Variants in ARHGEF9 observed in about 807,000 individuals in gnomAD.
The protein encoded by ARHGEF9 is rho guanine nucleotide exchange factor 9.
In ARHGEF9, 2 loss-of-function variants were observed where a neutral mutation model predicts 41.3. That is an observed-to-expected ratio of 0.05 (90% CI 0.02 to 0.15). The LOEUF is 0.15. ARHGEF9 is among the 10% of genes least tolerant of loss of function. ARHGEF9 has a pLI of 1.00. For synonymous variants in ARHGEF9, 160 were observed against 154.4 expected (o/e 1.04, Z -0.27); for missense variants, 225 against 424.7 (o/e 0.53, Z 4.13).
chrX:63,701,075 C>A (rs1273305304), intron 3 of ARHGEF9, among the ~76,000 whole-genome samples: 9 of 111,688 alleles, frequency 8.1e-5, no homozygotes, highest in Admixed American at 1.9e-4. Context: ...GTTCTTAAAC[C>A]CACCAGGGCT....
At chrX:63,681,955 T>C (rs1224097795) in intron 4 of ARHGEF9, among the ~76,000 whole-genome samples, 1 of 109,801 alleles carries the variant, frequency 9.1e-6, no homozygotes, top group East Asian at 2.9e-4. Flanking sequence ...CCTAGAAATA[T>C]AAAACCTACC....
intron 3 of ARHGEF9, among the ~76,000 whole-genome samples, chrX:63,698,382 T>A (rs2051921841): frequency 9.1e-6 from 1 of 110,416 alleles, no homozygotes; most frequent in Non-Finnish European, 1.9e-5. Flanking sequence ...CCAATCTAAA[T>A]TGCATCTTCC....
chrX:63,635,284 G>C lies in ARHGEF9; in HGVS notation c.*2744C>G, dbSNP rs1436921191. ...TCCATTAGAAATATACACATAGAGA[G>C]GGGGGGAAAAAGAGAGAATAATTAG... On this transcript the variant is annotated 3_prime_UTR_variant, in exon 10 of 10. Coordinates refer to ENST00000671741, the MANE Select transcript of ARHGEF9 (RefSeq NM_001353921.2). 2.6e-5 allele frequency: 13 copies of C among 507,693 alleles called. No homozygotes were observed. Among genetic ancestry groups the C allele is most frequent in the Non-Finnish European group, 4.3e-5 (12 of 280,204 alleles). The allele number at this position is 507,693 out of a possible 1,213,427, so 41.8% of individuals were successfully genotyped here. A position where few individuals can be genotyped will look rare whatever the true frequency, so the allele number is the denominator to read the frequency against.
chrX:63,707,399 G>T (rs782256607), intron 2 of ARHGEF9: 1 of 103,752 alleles, frequency 9.6e-6, no homozygotes, highest in Non-Finnish European at 2.0e-5. Context: ...TGGGACGGCC[G>T]AGTGAGATGT....
chrX:63,715,421 A>G (rs1370444852), intron 2 of ARHGEF9, among the ~76,000 whole-genome samples: 1 of 110,616 alleles, frequency 9.0e-6, no homozygotes, highest in Admixed American at 9.6e-5. Context: ...AAAGCTTGCA[A>G]TTATTTGACA....
chrX:63,752,831 T>C (rs2055732714), intron 1 of ARHGEF9, among the ~76,000 whole-genome samples: 1 of 111,934 alleles, frequency 8.9e-6, no homozygotes, highest in Non-Finnish European at 1.9e-5. Context: ...CAACCGGACA[T>C]GGAACTTGAC....
intron 2 of ARHGEF9, among the ~76,000 whole-genome samples, chrX:63,717,485 C>A (rs1188677317): frequency 1.8e-5 from 2 of 111,792 alleles, no homozygotes; most frequent in African/African-American, 6.5e-5. Context: ...CACATAGCAG[C>A]AACAAGAAAC....
chrX:63,700,223 C>T lies in ARHGEF9; in HGVS notation c.403-2919G>A, dbSNP rs782171189. On this transcript the variant is annotated intron_variant, in intron 3 of 9. Coordinates refer to ENST00000671741, the MANE Select transcript of ARHGEF9 (RefSeq NM_001353921.2). ...AAACTGCCCTTATCAAAAAAATAAGCGATGAGACATAAGAATATGGGAGTA... is the reference window on the plus strand; with the variant it reads ...AAACTGCCCTTATCAAAAAAATAAGTGATGAGACATAAGAATATGGGAGTA... 6.3e-5 allele frequency among the ~76,000 whole-genome samples: 7 copies of T among 111,849 alleles called. No individual in the cohort carries two copies. The East Asian group carries it at 1.4e-3, about 23-fold the overall frequency.
chrX:63,713,538 A>C (rs1422638166), intron 2 of ARHGEF9, among the ~76,000 whole-genome samples: 1 of 110,654 alleles, frequency 9.0e-6, no homozygotes, highest in Non-Finnish European at 1.9e-5. Context: ...CAAAACACAG[A>C]TAAAGGAGAG....
chrX:63,757,948 C>T (rs2055964343), intron 1 of ARHGEF9, among the ~76,000 whole-genome samples: 1 of 112,221 alleles, frequency 8.9e-6, no homozygotes, highest in South Asian at 3.7e-4. Flanking sequence ...CATAGTGATG[C>T]CAATCATATG....
At chrX:63,682,333 T>C (rs782565617) in intron 4 of ARHGEF9, among the ~76,000 whole-genome samples, 1 of 109,121 alleles carries the variant, frequency 9.2e-6, no homozygotes, top group African/African-American at 3.3e-5. Context: ...GCTAACATGG[T>C]GAAACCCCGT....
chrX:63,649,980 A>C (rs1308018168), intron 8 of ARHGEF9, among the ~76,000 whole-genome samples: 1 of 111,898 alleles, frequency 8.9e-6, no homozygotes, highest in African/African-American at 3.2e-5. Context: ...TAAATCCTGA[A>C]AGTAGGAAAA....
chrX:63,773,861 C>A (rs1556456338), intron 1 of ARHGEF9, among the ~76,000 whole-genome samples: 5 of 110,125 alleles, frequency 4.5e-5, no homozygotes, highest in Non-Finnish European at 3.8e-5. Flanking sequence ...TGGACTGAAA[C>A]ATCAATTTTT....
chrX:63,653,567 T>G (rs2048687064), intron 8 of ARHGEF9, among the ~76,000 whole-genome samples: 1 of 111,286 alleles, frequency 9.0e-6, no homozygotes, highest in South Asian at 3.7e-4. Context: ...TAAATTAAGT[T>G]TAAAAAAGCA....
At chrX:63,647,839 T>C (rs192222488) in intron 8 of ARHGEF9, among the ~76,000 whole-genome samples, 39 of 111,343 alleles carry the variant, frequency 3.5e-4, no homozygotes, top group Admixed American at 3.4e-3. Context: ...TGGTAGAATT[T>C]GGCTGTGAAT....
At chrX:63,688,179 T>C (rs1365704782) in intron 4 of ARHGEF9, among the ~76,000 whole-genome samples, 3 of 110,607 alleles carry the variant, frequency 2.7e-5, no homozygotes, top group Non-Finnish European at 5.7e-5. Flanking sequence ...TCAGTGTAAG[T>C]CCTACAGGGC....
intron 7 of ARHGEF9, among the ~76,000 whole-genome samples, chrX:63,665,653 A>T (rs187175204): frequency 9.8e-5 from 11 of 112,631 alleles, no homozygotes; most frequent in African/African-American, 2.3e-4. Context: ...GGGTAAAAAA[A>T]ATACCAAGAC....
chrX:63,658,763 A>G (rs1238116774), intron 7 of ARHGEF9, among the ~76,000 whole-genome samples: 2 of 111,856 alleles, frequency 1.8e-5, no homozygotes, highest in Admixed American at 1.9e-4. Flanking sequence ...GTGAGTAAAA[A>G]TAAGTCAAAG....
Position 63,724,664 on chromosome X carries a change from G to A in ARHGEF9, c.78C>T (p.His26=), listed in dbSNP as rs782516602. The A allele has an allele frequency of 7.4e-6, 9 of 1,211,488 alleles. No homozygotes were observed. Among genetic ancestry groups the A allele is most frequent in the South Asian group, 3.5e-5 (2 of 56,957 alleles). Residue 26 remains histidine (H), a synonymous_variant, in exon 2 of 10, where the codon CAC becomes CAT. Transcript: ENST00000671741. ...CCAACTCCCGGTTGGCCATGGTGAC[G>A]TGATCCCATACTGCCTCAGCACTAA... ...SIVSAEAVWD[H]VTMANRELAF...
Sources: allele counts gnomAD v4.1 joint callset (sites outside exome capture counted in the v4.1 genomes callset), GRCh38; gene constraint gnomAD v4.1.1; transcripts MANE v1.5; gene names NCBI Gene and HGNC (gene_info 2026-07-23, HGNC 2026-07-21).